The following TMEM108 variants were observed in gnomAD, a reference collection of about 807,000 sequenced individuals.
TMEM108 encodes transmembrane protein 108.
In TMEM108, 12 loss-of-function variants were observed where a neutral mutation model predicts 35.1. The observed-to-expected ratio is 0.34, with a 90% CI of 0.22 to 0.55. The LOEUF is 0.55. Ranked by LOEUF, TMEM108 falls within the 20% of genes least tolerant of loss-of-function variation. The pLI, the probability that TMEM108 is intolerant of heterozygous loss-of-function variation, is 0.89. For missense variants in TMEM108, 680 were observed against 753.3 expected (o/e 0.90, Z 1.14); for synonymous variants, 287 against 308.6 (o/e 0.93, Z 0.73).
At chr3:133,170,116 T>A (rs1337754082) in intron 2 of TMEM108, among the ~76,000 whole-genome samples, 5 of 152,222 alleles carry the variant, frequency 3.3e-5, no homozygotes, top group Admixed American at 3.3e-4. Context: ...GATGACTTAA[T>A]GTTGTTTTCC....
rs143738816 is a variant in TMEM108, at chr3:133,281,150, C to T, written c.40+51799C>T. 6.2e-3 allele frequency among the ~76,000 whole-genome samples: 944 copies of T among 152,108 alleles called. 12 individuals carry two copies. Among genetic ancestry groups the T allele is most frequent in the African/African-American group, 0.021 (887 of 41,464 alleles). On this transcript the variant is annotated intron_variant, in intron 3 of 5. Coordinates refer to ENST00000321871, the MANE Select transcript of TMEM108 (RefSeq NM_023943.4). ...TGCAGTCTACCAGAGTCAAACACAACGAAGGAAATACAGTCTTGAATGAAA... is the reference window on the plus strand; with the variant it reads ...TGCAGTCTACCAGAGTCAAACACAATGAAGGAAATACAGTCTTGAATGAAA...
intron 3 of TMEM108, chr3:133,303,387 C>G (rs1947258536): frequency 6.6e-6 from 1 of 152,138 alleles, no homozygotes; most frequent in Admixed American, 6.5e-5. Context: ...ATAATCACAA[C>G]AAATCTCATG....
chr3:133,067,906 GAAA>G (rs887244856), intron 2 of TMEM108, among the ~76,000 whole-genome samples: 3 of 147,220 alleles, frequency 2.0e-5, no homozygotes, highest in Non-Finnish European at 4.5e-5. Context: ...CAGCAGCATA[GAAA>G]AAAAAAAGAA....
At chr3:133,069,585 T>G (rs1943652060) in intron 2 of TMEM108, among the ~76,000 whole-genome samples, 1 of 152,148 alleles carries the variant, frequency 6.6e-6, no homozygotes, top group Non-Finnish European at 1.5e-5. Context: ...CCCAAGCTGT[T>G]CTCCTCTATA....
intron 2 of TMEM108, among the ~76,000 whole-genome samples, chr3:133,198,705 A>C (rs1380299186): frequency 6.6e-6 from 1 of 152,166 alleles, no homozygotes; most frequent in Admixed American, 6.5e-5. Context: ...CACTCATTTA[A>C]TTATCTCATT....
intron 3 of TMEM108, among the ~76,000 whole-genome samples, chr3:133,313,634 G>A (rs562256393): frequency 6.6e-6 from 1 of 152,108 alleles, no homozygotes; most frequent in Non-Finnish European, 1.5e-5. Context: ...TCCTTCTAGT[G>A]CACCCTTTCT....
At chr3:133,090,808 C>T (rs1428093415) in intron 2 of TMEM108, among the ~76,000 whole-genome samples, 1 of 152,094 alleles carries the variant, frequency 6.6e-6, no homozygotes, top group Non-Finnish European at 1.5e-5. Context: ...TACATTTTCA[C>T]ACATCTTATA....
intron 3 of TMEM108, among the ~76,000 whole-genome samples, chr3:133,376,789 T>G (rs567620891): frequency 6.6e-6 from 1 of 152,292 alleles, no homozygotes; most frequent in Non-Finnish European, 1.5e-5. Flanking sequence ...CATTTTCCAG[T>G]ATAAACTTCC....
chr3:133,207,989 TC>T (rs1399780418), intron 2 of TMEM108, among the ~76,000 whole-genome samples: 5 of 152,312 alleles, frequency 3.3e-5, no homozygotes, highest in Non-Finnish European at 7.4e-5. Context: ...ATCTTTCTGT[TC>T]CAGCTACCTC....
chr3:133,117,848 C>CT (rs752764702), intron 2 of TMEM108, among the ~76,000 whole-genome samples: 98 of 152,188 alleles, frequency 6.4e-4, no homozygotes, highest in Non-Finnish European at 1.2e-3. Context: ...TGCTGTTTCT[C>CT]TTGAACAGTT....
chr3:133,229,056 G>C (rs1333536243), intron 2 of TMEM108, among the ~76,000 whole-genome samples: 1 of 152,198 alleles, frequency 6.6e-6, no homozygotes, highest in East Asian at 1.9e-4. Context: ...TCAGTGGGGT[G>C]TATAGTTTCA....
intron 2 of TMEM108, among the ~76,000 whole-genome samples, chr3:133,167,735 G>C (rs938890632): frequency 1.3e-5 from 2 of 152,192 alleles, no homozygotes; most frequent in Non-Finnish European, 2.9e-5. Context: ...GCTGGCCCGT[G>C]AGCACCGCAT....
At chr3:133,171,299 A>G (rs1945127349) in intron 2 of TMEM108, among the ~76,000 whole-genome samples, 1 of 152,210 alleles carries the variant, frequency 6.6e-6, no homozygotes, top group South Asian at 2.1e-4. Context: ...TAATATAAAC[A>G]AGTTTTATTG....
chr3:133,293,262 T>G (rs907575623), intron 3 of TMEM108, among the ~76,000 whole-genome samples: 1 of 151,880 alleles, frequency 6.6e-6, no homozygotes, highest in Non-Finnish European at 1.5e-5. Context: ...ATGCCTACCT[T>G]TGAATTCTCA....
chr3:133,391,874 T>A (rs1231294748), intron 5 of TMEM108, among the ~76,000 whole-genome samples: 3 of 152,168 alleles, frequency 2.0e-5, no homozygotes, highest in Non-Finnish European at 4.4e-5. Context: ...TTGTGACCCT[T>A]TTTAGAGCTG....
chr3:133,196,200 G>A (rs910292841), intron 2 of TMEM108, among the ~76,000 whole-genome samples: 3 of 152,118 alleles, frequency 2.0e-5, no homozygotes, highest in Non-Finnish European at 4.4e-5. Context: ...TCTTTTTGAA[G>A]GAGGTCACAC....
intron 2 of TMEM108, among the ~76,000 whole-genome samples, chr3:133,132,011 A>G (rs1265916841): frequency 6.6e-6 from 1 of 152,160 alleles, no homozygotes; most frequent in Non-Finnish European, 1.5e-5. Flanking sequence ...ACTCTTTTCA[A>G]CTCTCTGAAG....
chr3:133,358,553 T>C (rs538726001), intron 3 of TMEM108, among the ~76,000 whole-genome samples: 3 of 152,170 alleles, frequency 2.0e-5, no homozygotes, highest in Non-Finnish European at 4.4e-5. Flanking sequence ...AGCATGAGAA[T>C]GTGCTGCACG....
chr3:133,347,705 T>A (rs1298196670), intron 3 of TMEM108, among the ~76,000 whole-genome samples: 2 of 152,148 alleles, frequency 1.3e-5, no homozygotes, highest in Non-Finnish European at 2.9e-5. Flanking sequence ...CTTGTCTTGT[T>A]CTTTATCTAT....
Sources: allele counts gnomAD v4.1 joint callset (sites outside exome capture counted in the v4.1 genomes callset), GRCh38; gene constraint gnomAD v4.1.1; transcripts MANE v1.5; gene names NCBI Gene and HGNC (gene_info 2026-07-23, HGNC 2026-07-21).